HDLBP: variants seen among roughly 807,000 people sequenced by gnomAD.
HDLBP encodes the protein high density lipoprotein binding protein.
In HDLBP, 30 loss-of-function variants were observed where a neutral mutation model predicts 137.3. The ratio of observed to expected loss-of-function variants is 0.22; its 90% CI spans 0.16 to 0.30. The LOEUF (loss-of-function observed/expected upper bound fraction) is 0.30. HDLBP is among the 10% of genes least tolerant of loss of function. HDLBP has a pLI of 1.00. For missense variants in HDLBP, 1,119 were observed against 1,667.3 expected (o/e 0.67, Z 5.73); for synonymous variants, 606 against 596.0 (o/e 1.02, Z -0.24).
Position 241,247,158 on chromosome 2 carries a change from C to G in HDLBP, c.1732-16G>C. The G allele has an allele frequency of 6.5e-7, 1 of 1,534,638 alleles. No homozygotes were observed. Among genetic ancestry groups the G allele is most frequent in the Non-Finnish European group, 9.0e-7 (1 of 1,107,486 alleles). ...TATTTTCCACCTTAAAGACAAAAAA[C>G]ACAGCCCGATTCACCACCTGTGCTA... On this transcript the variant is annotated splice_polypyrimidine_tract_variant and intron_variant, in intron 14 of 27. Transcript: ENST00000310931.
intron 23 of HDLBP, 39 bp from the exon 24 acceptor site, chr2:241,234,002 C>A: frequency 1.2e-6 from 2 of 1,611,118 alleles, no homozygotes; most frequent in African/African-American, 2.7e-5. Flanking sequence ...AAAGATTGAG[C>A]TGATCCACCC....
chr2:241,279,015 A>T (rs776278977), intron 1 of HDLBP, among the ~76,000 whole-genome samples: 4 of 151,812 alleles, frequency 2.6e-5, no homozygotes, highest in Non-Finnish European at 5.9e-5. Flanking sequence ...ACAGCGTGAG[A>T]CTCTGTCCCC....
intron 21 of HDLBP, chr2:241,236,205 A>T (rs1312385368): frequency 4.2e-6 from 1 of 237,592 alleles, no homozygotes; most frequent in Non-Finnish European, 8.2e-6. Flanking sequence ...CACTGAGAGC[A>T]GCATCCAGTA....
intron 5 of HDLBP, among the ~76,000 whole-genome samples, chr2:241,258,059 G>C (rs769002226): frequency 6.6e-6 from 1 of 152,088 alleles, no homozygotes; most frequent in Non-Finnish European, 1.5e-5. Flanking sequence ...TCCAAGATCA[G>C]CCTGGGCAAC....
chr2:241,276,124 A>G (rs1318001037), intron 1 of HDLBP, among the ~76,000 whole-genome samples: 2 of 152,248 alleles, frequency 1.3e-5, no homozygotes, highest in Non-Finnish European at 2.9e-5. Flanking sequence ...GCAATAATAT[A>G]TAAGGTGGAA....
At position 241,247,090 on chromosome 2, in the gene HDLBP, T is replaced by C. The variant is rs1358923618; in HGVS notation, c.1784A>G (p.Asn595Ser). The part of the protein sequence containing the change: ...SVPIFKQFHK[N>S]IIGKGGANIK... ...GTTTGCGCCTCCTTTCCCAATGATA[T>C]TCTTGTGAAACTGTTTGAAGATCGG... is the stretch of plus-strand genomic sequence containing the variant. Residue 595 changes from asparagine (N) to serine (S), a missense_variant, in exon 15 of 28, where the codon AAT becomes AGT. Around this residue, in one of 4 missense-constraint regions of HDLBP, gnomAD observed 425 missense variants for 693.9 expected, o/e 0.61. Transcript: ENST00000310931. The C allele has an allele frequency of 6.2e-7, 1 of 1,613,586 alleles. No individual in the cohort carries two copies. The highest frequency in any genetic ancestry group is 1.3e-5 in the African/African-American group (1 of 74,912).
chr2:241,246,919 G>C (rs764751686), intron 15 of HDLBP, 36 bp from the exon 16 acceptor site: 14 of 1,612,860 alleles, frequency 8.7e-6, no homozygotes, highest in Middle Eastern at 1.6e-4. Context: ...AAGCTGACTA[G>C]AGCTCTCCCA....
In HDLBP at chr2:241,238,135, C is replaced by T. The variant is rs1003362869; in HGVS notation, c.2749+514G>A. ...GGCAACCGACCCGCATCCCACAGGT[C>T]GCCTCCCCACCACCAGGTGCATGAG... is the stretch of plus-strand genomic sequence containing the variant. On this transcript the variant is annotated intron_variant, in intron 20 of 27. Transcript: ENST00000310931. The surrounding 1 kb of genome is among the most constrained non-coding windows in gnomAD (Gnocchi z 4.9). 3.3e-5 allele frequency among the ~76,000 whole-genome samples: 5 copies of T among 152,226 alleles called. No individual in the cohort carries two copies. The highest frequency in any genetic ancestry group is 1.9e-4 in the East Asian group (1 of 5,192).
rs1333350280 is a variant in HDLBP at position 241,230,721 on chromosome 2, G to A, written c.3474+38C>T. On this transcript the variant is annotated intron_variant, in intron 25 of 27. Transcript: ENST00000310931. The surrounding 1 kb of genome is among the most constrained non-coding windows in gnomAD (Gnocchi z 5.0). ...CTGGCCAGCCAGGTGCCCCCGGTGA[G>A]AGAGGATTCTCACCCACTGTGCTTC... is the stretch of plus-strand genomic sequence containing the variant. The A allele has an allele frequency of 6.3e-7, 1 of 1,591,970 alleles. No homozygotes were observed. Among genetic ancestry groups the A allele is most frequent in the African/African-American group, 1.3e-5 (1 of 74,578 alleles).
intron 1 of HDLBP, among the ~76,000 whole-genome samples, chr2:241,301,175 G>C (rs2075386060): frequency 1.3e-5 from 2 of 148,752 alleles, no homozygotes; most frequent in African/African-American, 5.0e-5. Flanking sequence ...TTTTAGTAGA[G>C]ACGGGGCTTC....
intron 4 of HDLBP, 136 bp from the exon 5 acceptor site, chr2:241,263,062 T>G (rs1574959448): frequency 1.5e-6 from 1 of 675,188 alleles, no homozygotes. Flanking sequence ...CTCGAAGCCC[T>G]GGGATAAAGC....
At chr2:241,273,251 G>A (rs1014681366) in intron 1 of HDLBP, 3 of 985,086 alleles carry the variant, frequency 3.0e-6, no homozygotes, top group South Asian at 9.4e-5. Context: ...GCTCCCAGGC[G>A]GCTCCAGGGC....
chr2:241,248,131 G>A lies in HDLBP; in HGVS notation c.1618-15C>T, dbSNP rs773841915. The A allele has an allele frequency of 6.3e-7, 1 of 1,598,992 alleles. No homozygotes were observed. The highest frequency in any genetic ancestry group is 1.1e-5 in the South Asian group (1 of 90,768). On this transcript the variant is annotated splice_polypyrimidine_tract_variant and intron_variant, in intron 13 of 27. Transcript: ENST00000310931. ...TTAATGATGACCTAGAACAAATCAT[G>A]GGGAGACTAAGTTCAAGTATGAGGA...
intron 1 of HDLBP, among the ~76,000 whole-genome samples, chr2:241,313,422 G>A (rs761799000): frequency 2.0e-5 from 3 of 152,134 alleles, no homozygotes; most frequent in Admixed American, 6.5e-5. Context: ...TGGGATTACA[G>A]GCGCGCGCCA....
At chr2:241,232,612 G>A (rs537609543) in intron 24 of HDLBP, among the ~76,000 whole-genome samples, 1 of 152,232 alleles carries the variant, frequency 6.6e-6, no homozygotes, top group African/African-American at 2.4e-5. Context: ...ATATAGAATA[G>A]TAGAGGGAAA....
intron 1 of HDLBP, among the ~76,000 whole-genome samples, chr2:241,285,724 A>T (rs2074782247): frequency 6.6e-6 from 1 of 152,232 alleles, no homozygotes; most frequent in Non-Finnish European, 1.5e-5. Context: ...TTCAAGAAAA[A>T]CAAGTTGCCT....
At chr2:241,257,854 A>G (rs1363685036) in intron 5 of HDLBP, among the ~76,000 whole-genome samples, 1 of 151,066 alleles carries the variant, frequency 6.6e-6, no homozygotes, top group Admixed American at 6.6e-5. Flanking sequence ...CACAGGAAAT[A>G]CCAGTATACG....
chr2:241,232,143 C>T (rs899965564), intron 24 of HDLBP, among the ~76,000 whole-genome samples: 4 of 152,196 alleles, frequency 2.6e-5, no homozygotes, highest in African/African-American at 9.7e-5. Context: ...GCACCACCCG[C>T]GTGCTGCCAG....
chr2:241,273,427 C>T (rs971168479), intron 1 of HDLBP, among the ~76,000 whole-genome samples: 19 of 152,054 alleles, frequency 1.2e-4, no homozygotes, highest in African/African-American at 3.6e-4. Context: ...GATGTATACA[C>T]GCAAAAGAAC....
Sources: allele counts gnomAD v4.1 joint callset (sites outside exome capture counted in the v4.1 genomes callset), GRCh38; gene constraint gnomAD v4.1.1; regional missense constraint gnomAD v4.1.1; non-coding constraint Gnocchi (gnomAD v3.1); transcripts MANE v1.5; gene names NCBI Gene and HGNC (gene_info 2026-07-23, HGNC 2026-07-21).